PDE1C: variants seen among roughly 807,000 people sequenced by gnomAD.
The protein encoded by PDE1C is phosphodiesterase 1C.
PDE1C carries 62 observed loss-of-function variants against 93.1 expected under a neutral mutation model. The observed-to-expected ratio is 0.67, with a 90% CI of 0.54 to 0.82. PDE1C has a LOEUF of 0.82. Among genes scored for constraint, PDE1C ranks in the 40% least tolerant of loss-of-function variants. PDE1C has a pLI of 0.00. For synonymous variants in PDE1C, 325 were observed against 310.1 expected (o/e 1.05, Z -0.50); for missense variants, 742 against 884.6 (o/e 0.84, Z 2.04).
At chr7:32,154,437 T>A (rs1227840736) in intron 3 of PDE1C, among the ~76,000 whole-genome samples, 1 of 152,130 alleles carries the variant, frequency 6.6e-6, no homozygotes, top group African/African-American at 2.4e-5. Context: ...CACCCAGTGA[T>A]AATATTTTAC....
At chr7:31,903,831 A>G (rs1347580752) in intron 2 of PDE1C, among the ~76,000 whole-genome samples, 1 of 152,120 alleles carries the variant, frequency 6.6e-6, no homozygotes, top group African/African-American at 2.4e-5. Context: ...GCTGCTCATG[A>G]GATGTCTAGG....
intron 2 of PDE1C, among the ~76,000 whole-genome samples, chr7:31,925,041 GTGTGTGTGTGTGT>G (rs1253843990): frequency 7.5e-3 from 1 of 134 alleles, no homozygotes; most frequent in Non-Finnish European, 0.024. Flanking sequence ...AGACATTTCT[GTGTGTGTGTGTGT>G]GTGTGTGTGT....
intron 16 of PDE1C, among the ~76,000 whole-genome samples, chr7:31,778,825 T>C (rs1783190048): frequency 6.6e-6 from 1 of 152,150 alleles, no homozygotes; most frequent in South Asian, 2.1e-4. Context: ...TTGAAGACAA[T>C]TTTTGTCTCC....
intron 1 of PDE1C, among the ~76,000 whole-genome samples, chr7:32,066,421 TA>T (rs1458706941): frequency 2.0e-5 from 3 of 152,200 alleles, no homozygotes; most frequent in Non-Finnish European, 4.4e-5. Flanking sequence ...TATATAAGCA[TA>T]AAATTTATTA....
rs538180134 is a variant in PDE1C, at chr7:32,276,267, G to T, written c.85+22384C>A. Among the ~76,000 whole-genome samples the T allele has an allele frequency of 2.6e-5, 4 of 152,274 alleles. No homozygotes were observed. The South Asian group carries it at 8.3e-4, about 32-fold the overall frequency. On this transcript the variant is annotated intron_variant, in intron 1 of 18. Coordinates refer to the PDE1C transcript ENST00000396193. ...ACAAAGCAAACTGAGGCAAAGAGAA[G>T]AAATAGGTATTAGAAGTGACAAAAA...
chr7:31,648,622 G>A, the PDE1C span, among the ~76,000 whole-genome samples: 1 of 152,046 alleles, frequency 6.6e-6, no homozygotes, highest in East Asian at 1.9e-4. Context: ...ATAACTACAT[G>A]AGCATAAAAT....
At chr7:32,193,624 T>C (rs898102707) in intron 2 of PDE1C, among the ~76,000 whole-genome samples, 1 of 152,202 alleles carries the variant, frequency 6.6e-6, no homozygotes, top group Non-Finnish European at 1.5e-5. Context: ...TTTTGTACTG[T>C]CTTTCTCAGT....
chr7:31,666,958 G>C, the PDE1C span, among the ~76,000 whole-genome samples: 1 of 152,182 alleles, frequency 6.6e-6, no homozygotes, highest in Admixed American at 6.5e-5. Context: ...AGGCATAAGG[G>C]CTAGGGTTGC....
intron 2 of PDE1C, among the ~76,000 whole-genome samples, chr7:31,927,318 C>A (rs929099628): frequency 2.0e-5 from 3 of 152,184 alleles, no homozygotes; most frequent in Admixed American, 2.0e-4. Context: ...AGATAAAACT[C>A]CCATCTCCCT....
At chr7:32,370,699 A>G (rs1784314695) in intron 1 of PDE1C, among the ~76,000 whole-genome samples, 1 of 152,090 alleles carries the variant, frequency 6.6e-6, no homozygotes, top group Admixed American at 6.5e-5. Flanking sequence ...TGACCAGTTA[A>G]TGGGTGCAGC....
At chr7:31,674,966 T>C in the PDE1C span, among the ~76,000 whole-genome samples, 1 of 152,180 alleles carries the variant, frequency 6.6e-6, no homozygotes, top group African/African-American at 2.4e-5. Context: ...TTAGATCTCA[T>C]CTTTTAGGTA....
At chr7:32,060,543 T>C (rs1469283727) in intron 1 of PDE1C, among the ~76,000 whole-genome samples, 2 of 152,072 alleles carry the variant, frequency 1.3e-5, no homozygotes, top group Non-Finnish European at 2.9e-5. Flanking sequence ...TTGTCCAAAA[T>C]ACAGGGAAAA....
intron 16 of PDE1C, among the ~76,000 whole-genome samples, chr7:31,780,888 G>A (rs1783362948): frequency 6.6e-6 from 1 of 151,848 alleles, no homozygotes; most frequent in Non-Finnish European, 1.5e-5. Context: ...ACACTTTAAG[G>A]TCAGGAATTA....
chr7:31,734,265 A>G, the PDE1C span, among the ~76,000 whole-genome samples: 1 of 152,158 alleles, frequency 6.6e-6, no homozygotes, highest in Non-Finnish European at 1.5e-5. Flanking sequence ...CATATTTTAT[A>G]TCTGAATGGT....
At chr7:31,700,236 T>G in the PDE1C span, among the ~76,000 whole-genome samples, 2 of 152,190 alleles carry the variant, frequency 1.3e-5, no homozygotes, top group Non-Finnish European at 2.9e-5. Flanking sequence ...AAAGTTCTAC[T>G]CCAGTGAACA....
At chr7:31,883,611 T>C (rs149743245) in intron 2 of PDE1C, among the ~76,000 whole-genome samples, 115 of 152,354 alleles carry the variant, frequency 7.5e-4, no homozygotes, top group African/African-American at 2.6e-3. Flanking sequence ...TATGGATGTA[T>C]AGCCACTAAT....
At chr7:31,843,264 T>A (rs963944527) in intron 9 of PDE1C, among the ~76,000 whole-genome samples, 4 of 151,832 alleles carry the variant, frequency 2.6e-5, no homozygotes, top group Admixed American at 6.6e-5. Context: ...GATATTTTTG[T>A]CCAGTTTGTC....
At chr7:31,622,086 A>G in the PDE1C span, among the ~76,000 whole-genome samples, 1 of 140,328 alleles carries the variant, frequency 7.1e-6, no homozygotes, top group Non-Finnish European at 1.5e-5. Flanking sequence ...CCAATACAGG[A>G]GCACCCAGAT....
At chr7:32,380,847 T>C (rs755546065) in intron 1 of PDE1C, among the ~76,000 whole-genome samples, 4 of 152,098 alleles carry the variant, frequency 2.6e-5, no homozygotes, top group Non-Finnish European at 5.9e-5. Context: ...AGGACTGAGT[T>C]TGCAGAGGTC....
Sources: gnomAD v4.1 joint callset for allele counts (sites outside exome capture counted in the v4.1 genomes callset) on GRCh38, gnomAD v4.1.1 for gene constraint, MANE v1.5 for transcripts, NCBI Gene and HGNC (gene_info 2026-07-23, HGNC 2026-07-21) for gene names.